The following THSD4 variants were observed in gnomAD, a reference collection of about 807,000 sequenced individuals.
THSD4 encodes the protein thrombospondin type-1 domain-containing protein 4.
THSD4 carries 69 observed loss-of-function variants against 119.0 expected under a neutral mutation model. The ratio of observed to expected loss-of-function variants is 0.58; its 90% CI spans 0.48 to 0.71. The LOEUF is 0.71. THSD4 is among the 30% of genes least tolerant of loss of function. THSD4 has a pLI of 0.00. For synonymous variants in THSD4, 524 were observed against 540.4 expected, an observed-to-expected ratio of 0.97 and a Z score of 0.42; for missense variants, 1,393 against 1,391.1, an observed-to-expected ratio of 1.00 and a Z score of -0.02.
Position 71,445,282 on chromosome 15 carries a change from C to T in THSD4, c.1152+33459C>T, listed in dbSNP as rs74596779. On this transcript the variant is annotated intron_variant, in intron 7 of 17. Transcript: ENST00000261862. ...ATTCTTTATTGCCCTTTTTGATTTA[C>T]GTATCTACCTCCCCACAGATGCACA... is the stretch of plus-strand genomic sequence containing the variant. Among the ~76,000 whole-genome samples the T allele has an allele frequency of 9.7e-3, 1,471 of 152,218 alleles. 14 individuals are homozygous for T. Among genetic ancestry groups the T allele is most frequent in the Non-Finnish European group, 0.016 (1,072 of 68,006 alleles).
At chr15:71,727,573 TATATATATATATATACACACACAC>T (rs1157141165) in intron 8 of THSD4, among the ~76,000 whole-genome samples, 2,849 of 67,728 alleles carry the variant, frequency 0.042, 59 homozygotes, top group Non-Finnish European at 0.049. Flanking sequence ...TATATATATA[TATATATATATATATACACACACAC>T]ACACACACAC....
chr15:71,513,753 G>C (rs371745873), intron 7 of THSD4, among the ~76,000 whole-genome samples: 1 of 152,104 alleles, frequency 6.6e-6, no homozygotes, highest in Admixed American at 6.5e-5. Context: ...AGCTCTATTC[G>C]TAGTAGCTCA....
At chr15:71,582,690 A>T (rs573587727) in intron 7 of THSD4, among the ~76,000 whole-genome samples, 2 of 152,212 alleles carry the variant, frequency 1.3e-5, no homozygotes, top group East Asian at 1.9e-4. Context: ...ATCATGAAGG[A>T]TGTTGAATTT....
At chr15:71,426,527 C>T (rs2046871655) in intron 7 of THSD4, among the ~76,000 whole-genome samples, 1 of 152,100 alleles carries the variant, frequency 6.6e-6, no homozygotes, top group Non-Finnish European at 1.5e-5. Flanking sequence ...TTACTGGCTT[C>T]ACTTTGTGGG....
intron 6 of THSD4, among the ~76,000 whole-genome samples, chr15:71,360,573 C>T (rs754772426): frequency 1.3e-5 from 2 of 152,138 alleles, no homozygotes; most frequent in African/African-American, 2.4e-5. Context: ...AGTTCTTTTG[C>T]GCATCATTTT....
At chr15:71,635,480 C>A (rs184741080) in intron 7 of THSD4, among the ~76,000 whole-genome samples, 1 of 152,132 alleles carries the variant, frequency 6.6e-6, no homozygotes, top group Non-Finnish European at 1.5e-5. Flanking sequence ...GCTTGATTTT[C>A]TTTGAAAGAA....
intron 7 of THSD4, among the ~76,000 whole-genome samples, chr15:71,481,885 G>T (rs969045148): frequency 6.6e-6 from 1 of 152,076 alleles, no homozygotes; most frequent in African/African-American, 2.4e-5. Flanking sequence ...GAAAAGGCAG[G>T]GATTCTTTAT....
intron 7 of THSD4, among the ~76,000 whole-genome samples, chr15:71,559,083 G>A (rs1567036158): frequency 2.0e-5 from 3 of 152,160 alleles, no homozygotes; most frequent in Non-Finnish European, 4.4e-5. Flanking sequence ...TTAAATCAAG[G>A]TTGTAGATTA....
At chr15:71,618,275 A>G (rs1323549044) in intron 7 of THSD4, among the ~76,000 whole-genome samples, 3 of 152,200 alleles carry the variant, frequency 2.0e-5, no homozygotes, top group Admixed American at 2.0e-4. Context: ...AAAATTGAAA[A>G]TGCACACTCC....
intron 7 of THSD4, among the ~76,000 whole-genome samples, chr15:71,437,576 A>G (rs1321453819): frequency 6.6e-6 from 1 of 152,164 alleles, no homozygotes; most frequent in Non-Finnish European, 1.5e-5. Flanking sequence ...AGGTGGAGGT[A>G]GGGTAAGGTC....
chr15:71,766,298 A>T (rs977943024), intron 16 of THSD4, among the ~76,000 whole-genome samples: 2 of 152,070 alleles, frequency 1.3e-5, no homozygotes, highest in Non-Finnish European at 2.9e-5. Flanking sequence ...GCCCCATCCC[A>T]GGTGACCATT....
At chr15:71,210,882 A>T (rs2043883182) in intron 3 of THSD4, among the ~76,000 whole-genome samples, 1 of 152,170 alleles carries the variant, frequency 6.6e-6, no homozygotes, top group African/African-American at 2.4e-5. Context: ...ATTCATGAAC[A>T]TTTAGGTTGC....
chr15:71,263,737 C>T lies in THSD4; in HGVS notation c.1015+7022C>T, dbSNP rs190837432. ...TTAGAATTGATCCACATTGTTTCTG[C>T]TCACATCTCATTGGCCAAAGCAAGT... On this transcript the variant is annotated intron_variant, in intron 6 of 17. Transcript: ENST00000261862. Among the ~76,000 whole-genome samples, 8 of 152,304 alleles carry T rather than the reference C, an allele frequency of 5.3e-5. No homozygotes were observed. The East Asian group carries it at 1.5e-3, about 29-fold the overall frequency.
At chr15:71,721,807 C>T (rs1367095574) in intron 8 of THSD4, among the ~76,000 whole-genome samples, 1 of 151,632 alleles carries the variant, frequency 6.6e-6, no homozygotes, top group East Asian at 1.9e-4. Context: ...AAATATTTGC[C>T]CAGCACCAAG....
intron 7 of THSD4, among the ~76,000 whole-genome samples, chr15:71,595,870 C>T (rs1236959186): frequency 1.3e-5 from 2 of 152,124 alleles, no homozygotes; most frequent in Non-Finnish European, 2.9e-5. Flanking sequence ...CCAAGGTCTG[C>T]GAAAGTGACA....
chr15:71,646,602 C>T (rs1250817024), intron 7 of THSD4, among the ~76,000 whole-genome samples: 1 of 152,162 alleles, frequency 6.6e-6, no homozygotes, highest in Non-Finnish European at 1.5e-5. Flanking sequence ...GCATTGAGTT[C>T]CTTCCATGTG....
At chr15:71,463,152 T>C (rs2140619968) in intron 7 of THSD4, among the ~76,000 whole-genome samples, 1 of 152,236 alleles carries the variant, frequency 6.6e-6, no homozygotes, top group South Asian at 2.1e-4. Flanking sequence ...TCCAATTCCT[T>C]CTCGCTGGTC....
chr15:71,703,194 C>T (rs999614255), intron 8 of THSD4, among the ~76,000 whole-genome samples: 5 of 152,052 alleles, frequency 3.3e-5, no homozygotes, highest in Admixed American at 1.3e-4. Context: ...AGGCTGGTCT[C>T]GAACCCCCAA....
chr15:71,130,575 A>G (rs1389442656), intron 1 of THSD4, among the ~76,000 whole-genome samples: 1 of 151,984 alleles, frequency 6.6e-6, no homozygotes, highest in Non-Finnish European at 1.5e-5. Flanking sequence ...GCCACTTACT[A>G]CTTGTGTGAC....
Sources: gnomAD v4.1 joint callset for allele counts (sites outside exome capture counted in the v4.1 genomes callset) on GRCh38, gnomAD v4.1.1 for gene constraint, MANE v1.5 for transcripts, NCBI Gene and HGNC (gene_info 2026-07-23, HGNC 2026-07-21) for gene names.